PTPN12: variants seen among roughly 807,000 people sequenced by gnomAD.
PTPN12 encodes tyrosine-protein phosphatase non-receptor type 12.
Under a neutral mutation model 97.6 loss-of-function variants are expected in PTPN12, and 29 were observed. The ratio of observed to expected loss-of-function variants is 0.30; its 90% CI spans 0.22 to 0.41. The LOEUF is 0.41. Among genes scored for constraint, PTPN12 ranks in the 10% least tolerant of loss-of-function variants. PTPN12 has a pLI of 1.00. For synonymous variants in PTPN12, 327 were observed against 300.4 expected, an observed-to-expected ratio of 1.09 and a Z score of -0.91; for missense variants, 819 against 926.0, an observed-to-expected ratio of 0.88 and a Z score of 1.50.
chr7:77,604,976 T>G, intron 8 of PTPN12: 1 of 293,188 alleles, frequency 3.4e-6, no homozygotes, highest in Admixed American at 3.5e-5. Context: ...TCCTGAACTT[T>G]CTATTGTGTT....
Position 77,605,409 on chromosome 7 carries a change from G to GTTTTTTTTT in PTPN12, c.696-1806_696-1798dup, listed in dbSNP as rs751962814. On this transcript the variant is annotated intron_variant, in intron 8 of 17. Coordinates refer to ENST00000248594, the MANE Select transcript of PTPN12 (RefSeq NM_002835.4). ...TTACTTTAAAATACTTTTGTCATGA[G>GTTTTTTTTT]TTTTTTTTTTTTTTTTTTTTTTTTT... Among the ~76,000 whole-genome samples, 136 of 95,528 alleles carry GTTTTTTTTT rather than the reference G, an allele frequency of 1.4e-3. 6 individuals carry two copies. Among genetic ancestry groups the GTTTTTTTTT allele is most frequent in the African/African-American group, 4.5e-3 (109 of 24,224 alleles). 62.7% of individuals were successfully genotyped at this position (95,528 alleles called of 152,430 possible).
At chr7:77,581,798 C>T (rs1787523776) in intron 3 of PTPN12, among the ~76,000 whole-genome samples, 1 of 152,148 alleles carries the variant, frequency 6.6e-6, no homozygotes, top group Non-Finnish European at 1.5e-5. Context: ...TCCCTTTGGA[C>T]ACAAATGAAC....
At chr7:77,602,255 C>G (rs1041834653) in intron 8 of PTPN12, among the ~76,000 whole-genome samples, 4 of 152,054 alleles carry the variant, frequency 2.6e-5, no homozygotes, top group African/African-American at 4.8e-5. Context: ...TTTTCTTAAT[C>G]TAACATTTTG....
At position 77,586,167 on chromosome 7, in the gene PTPN12, T is replaced by G. The variant is rs185536263; in HGVS notation, c.420+586T>G. Among the ~76,000 whole-genome samples, 266 of 152,312 alleles carry G rather than the reference T, an allele frequency of 1.7e-3. 1 individual carries two copies. Among genetic ancestry groups the G allele is most frequent in the African/African-American group, 5.7e-3 (239 of 41,578 alleles). On this transcript the variant is annotated intron_variant, in intron 5 of 17. Coordinates refer to ENST00000248594, the MANE Select transcript of PTPN12 (RefSeq NM_002835.4). ...TGGGGTTTCACCATGTTGGCCAGGC[T>G]GGTTTCGAACTCCTGACCTCAGGTG...
At position 77,627,864 on chromosome 7, in the gene PTPN12, A is replaced by G. The variant is rs998122918; in HGVS notation, c.1996+189A>G. The stretch of plus-strand genomic sequence containing the variant: ...ATTGTTAACAATTTGGTCACATTAT[A>G]TTACTGGGTTTTGTGTTTCTAAATT... On this transcript the variant is annotated intron_variant, in intron 13 of 17. Coordinates refer to ENST00000248594, the MANE Select transcript of PTPN12 (RefSeq NM_002835.4). Among the ~76,000 whole-genome samples, 7 of 152,306 alleles carry G rather than the reference A, an allele frequency of 4.6e-5. No homozygotes were observed. The South Asian group carries it at 1.5e-3, about 32-fold the overall frequency.
chr7:77,621,537 C>T (rs909770293), intron 12 of PTPN12, among the ~76,000 whole-genome samples: 7 of 152,070 alleles, frequency 4.6e-5, no homozygotes, highest in African/African-American at 1.2e-4. Flanking sequence ...GGCGTTGTGG[C>T]GGGCACCTGT....
intron 17 of PTPN12, 169 bp downstream of exon 17, chr7:77,638,900 A>T: frequency 8.5e-7 from 1 of 1,177,116 alleles, no homozygotes; most frequent in Non-Finnish European, 1.1e-6. Context: ...TCACATTGAG[A>T]TTAAAAACTA....
Position 77,628,058 on chromosome 7 carries a change from A to G in PTPN12, c.1996+383A>G, listed in dbSNP as rs139701523. ...ATACTGTAGAATGTCTTGATTGGCC[A>G]TATAATGTTACTCGTTTTTCCTAAA... On this transcript the variant is annotated intron_variant, in intron 13 of 17. Coordinates refer to ENST00000248594, the MANE Select transcript of PTPN12 (RefSeq NM_002835.4). Among the ~76,000 whole-genome samples, 10 of 152,330 alleles carry G rather than the reference A, an allele frequency of 6.6e-5. No homozygotes were observed. The East Asian group carries it at 1.5e-3, about 23-fold the overall frequency.
At chr7:77,597,644 A>G (rs927820303) in intron 6 of PTPN12, among the ~76,000 whole-genome samples, 198 bp from the exon 7 acceptor site, 1 of 152,246 alleles carries the variant, frequency 6.6e-6, no homozygotes, top group Non-Finnish European at 1.5e-5. Flanking sequence ...TGACTAAATC[A>G]GGATAATTAG....
chr7:77,543,797 A>C (rs1807095496), intron 1 of PTPN12, among the ~76,000 whole-genome samples: 1 of 152,132 alleles, frequency 6.6e-6, no homozygotes, highest in Non-Finnish European at 1.5e-5. Flanking sequence ...ACTCCACCTA[A>C]CATGATGATT....
At chr7:77,596,530 C>T (rs1161372488) in intron 6 of PTPN12, among the ~76,000 whole-genome samples, 1 of 152,192 alleles carries the variant, frequency 6.6e-6, no homozygotes, top group Non-Finnish European at 1.5e-5. Flanking sequence ...CCTACCTCAG[C>T]CTCCCAAGTA....
intron 12 of PTPN12, among the ~76,000 whole-genome samples, chr7:77,625,565 C>CTTTTT (rs1179793825): frequency 1.7e-4 from 4 of 24,152 alleles, no homozygotes; most frequent in Admixed American, 8.9e-4. Flanking sequence ...CTCTCTCTCT[C>CTTTTT]TTTTTTTTTT....
chr7:77,613,790 C>G (rs888273478), intron 11 of PTPN12, among the ~76,000 whole-genome samples: 3 of 152,062 alleles, frequency 2.0e-5, no homozygotes, highest in African/African-American at 4.8e-5. Flanking sequence ...GTTGCCCAGC[C>G]TGGTCTCAAA....
At chr7:77,581,014 C>A (rs1787497170) in intron 2 of PTPN12, among the ~76,000 whole-genome samples, 1 of 152,062 alleles carries the variant, frequency 6.6e-6, no homozygotes, top group South Asian at 2.1e-4. Flanking sequence ...TAATACACTG[C>A]TTTACGTCAC....
intron 14 of PTPN12, among the ~76,000 whole-genome samples, chr7:77,633,303 A>T (rs1382765633): frequency 2.0e-5 from 3 of 151,974 alleles, no homozygotes; most frequent in Non-Finnish European, 4.4e-5. Flanking sequence ...TGTATTTGCA[A>T]TCTGGTGTAT....
intron 9 of PTPN12, among the ~76,000 whole-genome samples, chr7:77,608,964 A>G (rs972337874): frequency 2.0e-5 from 3 of 152,256 alleles, no homozygotes; most frequent in African/African-American, 7.2e-5. Context: ...CTTATGCCAT[A>G]ATTCCAGCAC....
intron 1 of PTPN12, among the ~76,000 whole-genome samples, chr7:77,547,262 G>C (rs1807268111): frequency 6.6e-6 from 1 of 152,154 alleles, no homozygotes; most frequent in African/African-American, 2.4e-5. Flanking sequence ...ATTGACAGTT[G>C]AAAACATGGC....
At chr7:77,594,679 C>G (rs1787970227) in intron 6 of PTPN12, among the ~76,000 whole-genome samples, 1 of 151,968 alleles carries the variant, frequency 6.6e-6, no homozygotes. Flanking sequence ...TAATTTTTGT[C>G]TTTTTGTAGA....
intron 11 of PTPN12, among the ~76,000 whole-genome samples, chr7:77,613,774 T>TA (rs2151379546): frequency 6.6e-6 from 1 of 151,924 alleles, no homozygotes; most frequent in Non-Finnish European, 1.5e-5. Context: ...GATGAGGTTT[T>TA]ACTGTGTTGC....
Sources: gnomAD v4.1 joint callset for allele counts (sites outside exome capture counted in the v4.1 genomes callset) on GRCh38, gnomAD v4.1.1 for gene constraint, MANE v1.5 for transcripts, NCBI Gene and HGNC (gene_info 2026-07-23, HGNC 2026-07-21) for gene names.